Variants in RANBP2 observed in about 807,000 individuals in gnomAD.
RANBP2 encodes the protein RAN binding protein 2.
Under a neutral mutation model 303.6 loss-of-function variants are expected in RANBP2, and 57 were observed. That is an observed-to-expected ratio of 0.19 (90% CI 0.15 to 0.23). The LOEUF is 0.23. Among genes scored for constraint, RANBP2 ranks in the 10% least tolerant of loss-of-function variants. The pLI is 1.00. For missense variants in RANBP2, 3,138 were observed against 3,780.8 expected, an observed-to-expected ratio of 0.83 and a Z score of 4.46; for synonymous variants, 1,167 against 1,301.5, an observed-to-expected ratio of 0.90 and a Z score of 2.23.
chr2:109,310,519 C>CA, the RANBP2 span, among the ~76,000 whole-genome samples: 14 of 74,442 alleles, frequency 1.9e-4, 1 homozygote, highest in South Asian at 5.1e-3. Context: ...AATAGAGACA[C>CA]AAAAAACCCT....
chr2:109,699,549 A>G, the RANBP2 span, among the ~76,000 whole-genome samples: 1 of 151,146 alleles, frequency 6.6e-6, no homozygotes, highest in African/African-American at 2.5e-5. Flanking sequence ...AGAGTGTTCT[A>G]AGAAAATCAT....
the RANBP2 span, among the ~76,000 whole-genome samples, chr2:109,095,906 G>T: frequency 6.6e-6 from 1 of 152,128 alleles, no homozygotes; most frequent in African/African-American, 2.4e-5. Context: ...GTTTTTGTTT[G>T]CTCCTTTGGG....
At chr2:109,301,216 A>G in the RANBP2 span, among the ~76,000 whole-genome samples, 1 of 152,018 alleles carries the variant, frequency 6.6e-6, no homozygotes, top group Non-Finnish European at 1.5e-5. Context: ...GGCTGATGTC[A>G]GGGGTTTGCT....
At position 108,765,963 on chromosome 2, in the gene RANBP2, AC is replaced by A. The variant is rs777303547; in HGVS notation, c.5426del (p.Pro1809GlnfsTer19). On this transcript the variant is annotated frameshift_variant, in exon 20 of 29. Coordinates refer to ENST00000283195, the MANE Select transcript of RANBP2 (RefSeq NM_006267.5). LOFTEE classifies it high-confidence loss of function. ...LKCVACDASKPTHKPIAEAPS... is the reference protein window; with the variant it reads ...LKCVACDASKXTHKPIAEAPS... The stretch of plus-strand genomic sequence containing the variant: ...AATGTGTGGCTTGTGATGCCTCTAA[AC>A]CAACTCATAAACCTATTGCAGAAGC... The A allele has an allele frequency of 6.2e-7, 1 of 1,614,146 alleles. No homozygotes were observed. Among genetic ancestry groups the A allele is most frequent in the Non-Finnish European group, 8.5e-7 (1 of 1,179,992 alleles).
chr2:109,136,410 G>T, the RANBP2 span, among the ~76,000 whole-genome samples: 1 of 152,116 alleles, frequency 6.6e-6, no homozygotes, highest in South Asian at 2.1e-4. Context: ...AAAAGAACAG[G>T]GTGTCGAGCT....
chr2:109,616,527 G>C, the RANBP2 span: 1 of 167,214 alleles, frequency 6.0e-6, no homozygotes. Flanking sequence ...AAAACGACAG[G>C]CTGCCCCGTT....
At chr2:109,675,725 G>A in the RANBP2 span, among the ~76,000 whole-genome samples, 7 of 152,096 alleles carry the variant, frequency 4.6e-5, no homozygotes, top group Non-Finnish European at 7.4e-5. Flanking sequence ...AAAAGAAACC[G>A]TGGCAACCTC....
At chr2:108,735,404 A>G in intron 4 of RANBP2, 128 bp from the exon 5 acceptor site, 3 of 1,562,722 alleles carry the variant, frequency 1.9e-6, no homozygotes, top group Middle Eastern at 2.3e-4. Context: ...AATAAGGTAT[A>G]TAGGATGGTG....
chr2:108,729,053 G>C (rs1694963208), intron 1 of RANBP2, 79 bp from the exon 2 acceptor site: 1 of 1,473,438 alleles, frequency 6.8e-7, no homozygotes, highest in Non-Finnish European at 9.2e-7. Flanking sequence ...ATCAACTTAG[G>C]ACAGATTTTT....
At chr2:108,906,373 GAA>G in the RANBP2 span, 62 of 1,614,120 alleles carry the variant, frequency 3.8e-5, no homozygotes, top group African/African-American at 6.5e-4. Flanking sequence ...TTGAATCTGT[GAA>G]AAAGAGTCGA....
Position 108,723,390 on chromosome 2 carries a change from C to T in RANBP2, c.72+3712C>T, listed in dbSNP as rs541122970. Among the ~76,000 whole-genome samples the T allele has an allele frequency of 8.3e-4, 126 of 152,004 alleles. 2 individuals are homozygous for T. The highest frequency in any genetic ancestry group is 5.8e-3 in the South Asian group (28 of 4,802). ...TGCCTCCCGGGTTCACACCATTCTC[C>T]TGCCCCAGCCTGTAGCTGGGACTAC... On this transcript the variant is annotated intron_variant, in intron 1 of 28. Transcript: ENST00000283195.
At chr2:109,366,847 C>T in the RANBP2 span, among the ~76,000 whole-genome samples, 1 of 152,150 alleles carries the variant, frequency 6.6e-6, no homozygotes, top group African/African-American at 2.4e-5. Context: ...AGCAAGACCT[C>T]GTCTCAAAAA....
rs1422620500 is a variant in RANBP2, at chr2:108,739,942, C to T, written c.783-547C>T. Among the ~76,000 whole-genome samples, 4 of 151,518 alleles carry T rather than the reference C, an allele frequency of 2.6e-5. 1 individual carries two copies. Among genetic ancestry groups the T allele is most frequent in the Non-Finnish European group, 4.4e-5 (3 of 67,960 alleles). Reference sequence around the variant, plus strand: ...GGTGGAGGTTGCAGTGAGCTTAGATCGTGCCATTGCACTCCAGCCCAGGCG... The same window carrying T: ...GGTGGAGGTTGCAGTGAGCTTAGATTGTGCCATTGCACTCCAGCCCAGGCG... On this transcript the variant is annotated intron_variant, in intron 6 of 28. Transcript: ENST00000283195.
chr2:109,271,380 A>G, the RANBP2 span, among the ~76,000 whole-genome samples: 5 of 152,212 alleles, frequency 3.3e-5, no homozygotes, highest in African/African-American at 1.2e-4. Flanking sequence ...ATCTCAACCC[A>G]AAAGCTCAAA....
chr2:109,435,218 TC>T, the RANBP2 span, among the ~76,000 whole-genome samples: 1 of 152,120 alleles, frequency 6.6e-6, no homozygotes, highest in African/African-American at 2.4e-5. Context: ...AGGCCATGGG[TC>T]CCTCAGTCCA....
At chr2:108,830,857 G>A in the RANBP2 span, among the ~76,000 whole-genome samples, 1 of 151,218 alleles carries the variant, frequency 6.6e-6, no homozygotes, top group Non-Finnish European at 1.5e-5. Context: ...AAGCCAGAAA[G>A]TGTTCTTCAT....
At chr2:109,233,674 A>G in the RANBP2 span, among the ~76,000 whole-genome samples, 1 of 152,112 alleles carries the variant, frequency 6.6e-6, no homozygotes, top group Non-Finnish European at 1.5e-5. Context: ...TCACCACCAC[A>G]CTCAAGATGC....
the RANBP2 span, among the ~76,000 whole-genome samples, chr2:109,703,788 T>C: frequency 6.6e-6 from 1 of 152,360 alleles, no homozygotes; most frequent in Admixed American, 6.5e-5. Flanking sequence ...TGAGCCTTCC[T>C]CCTTTTATCT....
chr2:108,725,913 C>A (rs896256329), intron 1 of RANBP2, among the ~76,000 whole-genome samples: 5 of 151,962 alleles, frequency 3.3e-5, no homozygotes, highest in Admixed American at 6.6e-5. Context: ...TTTAAGCATA[C>A]AAGTCTCTCA....
Sources: gnomAD v4.1 joint callset for allele counts (sites outside exome capture counted in the v4.1 genomes callset) on GRCh38, gnomAD v4.1.1 for gene constraint, MANE v1.5 for transcripts, NCBI Gene and HGNC (gene_info 2026-07-23, HGNC 2026-07-21) for gene names.